The following SPATA16 variants were observed in gnomAD, a reference collection of about 807,000 sequenced individuals.
SPATA16 encodes the protein spermatogenesis associated 16.
SPATA16 carries 36 observed loss-of-function variants against 63.3 expected under a neutral mutation model. The ratio of observed to expected loss-of-function variants is 0.57; its 90% CI spans 0.44 to 0.75. SPATA16 has a LOEUF of 0.75. Ranked by LOEUF, SPATA16 falls within the 30% of genes least tolerant of loss-of-function variation. The pLI, the probability that SPATA16 is intolerant of heterozygous loss-of-function variation, is 0.00. For missense variants in SPATA16, 646 were observed against 679.3 expected, an observed-to-expected ratio of 0.95 and a Z score of 0.54; for synonymous variants, 203 against 216.7, an observed-to-expected ratio of 0.94 and a Z score of 0.56.
At chr3:172,957,218 T>C (rs1415584662) in intron 5 of SPATA16, among the ~76,000 whole-genome samples, 2 of 152,276 alleles carry the variant, frequency 1.3e-5, no homozygotes, top group Middle Eastern at 6.8e-3. Context: ...TTTTAAAAAC[T>C]AAAATATCTA....
intron 2 of SPATA16, among the ~76,000 whole-genome samples, chr3:173,052,017 G>A (rs1022135491): frequency 6.6e-6 from 1 of 151,942 alleles, no homozygotes; most frequent in African/African-American, 2.4e-5. Context: ...CACCATGTTG[G>A]CCAGTCTGGT....
At chr3:173,044,613 C>G (rs1458358475) in intron 3 of SPATA16, among the ~76,000 whole-genome samples, 2 of 152,136 alleles carry the variant, frequency 1.3e-5, no homozygotes, top group Non-Finnish European at 2.9e-5. Context: ...ATCTTGAAGT[C>G]TATTTCTATG....
chr3:173,023,980 G>A (rs9852588), intron 3 of SPATA16, among the ~76,000 whole-genome samples: 38,231 of 150,644 alleles, frequency 0.25, 7,529 homozygotes, highest in African/African-American at 0.55. Flanking sequence ...CTGGGAGCTT[G>A]CTAAAAATGT....
In SPATA16 at chr3:172,935,803, T is replaced by C. The variant is rs559578578; in HGVS notation, c.1082-10311A>G. ...TTTTTTTTCCTCTGGGAATTTTCAC[T>C]ATAGGCATGTGGGTTAAGGTTTGAG... On this transcript the variant is annotated intron_variant, in intron 6 of 10. Transcript: ENST00000351008. 2.0e-5 allele frequency among the ~76,000 whole-genome samples: 3 copies of C among 152,328 alleles called. No individual in the cohort carries two copies. In the South Asian group the frequency reaches 6.2e-4, roughly 32 times the overall value.
chr3:172,925,703 C>G (rs1240199206), intron 6 of SPATA16, among the ~76,000 whole-genome samples: 1 of 152,128 alleles, frequency 6.6e-6, no homozygotes. Flanking sequence ...TAAGCATACA[C>G]AAAGCATAAC....
At chr3:173,111,307 G>A (rs1737744066) in intron 2 of SPATA16, among the ~76,000 whole-genome samples, 1 of 152,138 alleles carries the variant, frequency 6.6e-6, no homozygotes, top group South Asian at 2.1e-4. Flanking sequence ...CTACTCAGGA[G>A]GCTGAGGCAG....
Position 172,889,461 on chromosome 3 carries a change from T to A in SPATA16, c.*109A>T. The A allele has an allele frequency of 2.0e-6, 3 of 1,515,842 alleles. No homozygotes were observed. Among genetic ancestry groups the A allele is most frequent in the Non-Finnish European group, 2.7e-6 (3 of 1,099,970 alleles). The allele number at this position is 1,515,842 out of a possible 1,614,324, so 93.9% of individuals were successfully genotyped here. ...TGAGGGGAATACCACCTCTTTCTTT[T>A]GGTGACAAGCTTTTGTTATCCAGCT... On this transcript the variant is annotated 3_prime_UTR_variant, in exon 11 of 11. Coordinates refer to ENST00000351008, the MANE Select transcript of SPATA16 (RefSeq NM_031955.6).
At chr3:172,966,555 C>T (rs1193869065) in intron 5 of SPATA16, among the ~76,000 whole-genome samples, 1 of 152,062 alleles carries the variant, frequency 6.6e-6, no homozygotes, top group Admixed American at 6.5e-5. Flanking sequence ...GAAATCATGC[C>T]ACATGTTAAA....
chr3:173,056,825 GA>G (rs150007804), intron 2 of SPATA16, among the ~76,000 whole-genome samples: 5,872 of 147,862 alleles, frequency 0.04, 349 homozygotes, highest in African/African-American at 0.14. Flanking sequence ...ATGCAGACAA[GA>G]AAAAAAATAA....
chr3:172,939,635 GA>G (rs779838335), intron 6 of SPATA16, among the ~76,000 whole-genome samples: 1 of 152,190 alleles, frequency 6.6e-6, no homozygotes. Flanking sequence ...AAAGAATATA[GA>G]AATGCAAGGG....
At chr3:172,986,192 C>T (rs2108257784) in intron 4 of SPATA16, among the ~76,000 whole-genome samples, 1 of 152,248 alleles carries the variant, frequency 6.6e-6, no homozygotes, top group African/African-American at 2.4e-5. Flanking sequence ...ATGTTCATAG[C>T]TAAGTGCTCA....
At chr3:172,956,553 G>T in intron 6 of SPATA16, 124 bp downstream of exon 6, 5 of 1,031,042 alleles carry the variant, frequency 4.8e-6, no homozygotes, top group Non-Finnish European at 7.0e-6. Context: ...TCCGTTTCAA[G>T]TCATCAGATG....
chr3:172,942,054 A>C (rs1733161864), intron 6 of SPATA16, among the ~76,000 whole-genome samples: 1 of 152,152 alleles, frequency 6.6e-6, no homozygotes, highest in Non-Finnish European at 1.5e-5. Context: ...GGGGAAAAGC[A>C]TGTGGACTAA....
At chr3:173,010,769 C>T (rs1400492510) in intron 4 of SPATA16, among the ~76,000 whole-genome samples, 1 of 152,034 alleles carries the variant, frequency 6.6e-6, no homozygotes, top group African/African-American at 2.4e-5. Flanking sequence ...TCGTACCCCA[C>T]AGGCCTGTGA....
chr3:173,071,448 T>C (rs183335649), intron 2 of SPATA16, among the ~76,000 whole-genome samples: 1 of 151,730 alleles, frequency 6.6e-6, no homozygotes, highest in Admixed American at 6.5e-5. Context: ...AAAGGAAAAA[T>C]GGGCAAATGG....
At position 172,976,977 on chromosome 3, in the gene SPATA16, C is replaced by T; in HGVS notation, c.924G>A (p.Leu308=). The change falls in exon 5 of 11, where the codon CTG becomes CTA. Residue 308 remains leucine (L), a synonymous_variant. Transcript: ENST00000351008. ...GGACATCAATTTTTACCTGCCAATA[C>T]AGTTTGATGAGCTTGCTTATGCTCT... ...REESISKLIK[L]YWQAMIEEAI... The T allele has an allele frequency of 6.2e-7, 1 of 1,612,212 alleles. No homozygotes were observed. Among genetic ancestry groups the T allele is most frequent in the Non-Finnish European group, 8.5e-7 (1 of 1,179,218 alleles).
At chr3:172,957,635 A>C (rs1363674114) in intron 5 of SPATA16, among the ~76,000 whole-genome samples, 4 of 152,220 alleles carry the variant, frequency 2.6e-5, no homozygotes, top group Non-Finnish European at 2.9e-5. Flanking sequence ...TTAATATGGC[A>C]TAAAAGCATA....
chr3:172,994,540 ATGTG>A (rs1032721431), intron 4 of SPATA16, among the ~76,000 whole-genome samples: 1 of 149,354 alleles, frequency 6.7e-6, no homozygotes, highest in Non-Finnish European at 1.5e-5. Flanking sequence ...GTGTGTGTGT[ATGTG>A]TGTGTGTGTG....
At chr3:173,050,409 A>C (rs1577148729) in intron 2 of SPATA16, among the ~76,000 whole-genome samples, 1 of 152,080 alleles carries the variant, frequency 6.6e-6, no homozygotes, top group Non-Finnish European at 1.5e-5. Context: ...GATGAATGAA[A>C]TATGTTACTT....
Sources: allele counts gnomAD v4.1 joint callset (sites outside exome capture counted in the v4.1 genomes callset), GRCh38; gene constraint gnomAD v4.1.1; transcripts MANE v1.5; gene names NCBI Gene and HGNC (gene_info 2026-07-23, HGNC 2026-07-21).